RAMP1: variants seen among roughly 807,000 people sequenced by gnomAD.
The protein encoded by RAMP1 is receptor activity modifying protein 1, also known as receptor activity-modifying protein 1.
In RAMP1, 7 loss-of-function variants were observed where a neutral mutation model predicts 8.2. The observed-to-expected ratio is 0.85, with a 90% CI of 0.49 to 1.60. RAMP1 has a LOEUF of 1.60. Ranked by LOEUF, RAMP1 falls within the 40% of genes most tolerant of loss-of-function variation. RAMP1 has a pLI of 0.00. For missense variants in RAMP1, 192 were observed against 202.4 expected (o/e 0.95, Z 0.31); for synonymous variants, 92 against 84.7 (o/e 1.09, Z -0.47).
At chr2:237,901,741 A>G (rs984112387) in intron 2 of RAMP1, among the ~76,000 whole-genome samples, 12 of 152,158 alleles carry the variant, frequency 7.9e-5, no homozygotes, top group Non-Finnish European at 1.6e-4. Flanking sequence ...TGTGGCCTGG[A>G]GAGCCCGTGG....
At chr2:237,870,426 C>T (rs2062234117) in intron 1 of RAMP1, among the ~76,000 whole-genome samples, 2 of 152,210 alleles carry the variant, frequency 1.3e-5, no homozygotes, top group African/African-American at 2.4e-5. Context: ...GCTGCTCACC[C>T]GCCTTTCTGG....
At chr2:237,910,520 CAT>C (rs1274296544) in intron 2 of RAMP1, among the ~76,000 whole-genome samples, 10 of 151,728 alleles carry the variant, frequency 6.6e-5, no homozygotes, top group African/African-American at 2.4e-4. Context: ...ATTACATATA[CAT>C]AGTCACACAC....
At chr2:237,880,095 G>A (rs570167401) in intron 2 of RAMP1, among the ~76,000 whole-genome samples, 8 of 152,160 alleles carry the variant, frequency 5.3e-5, no homozygotes, top group African/African-American at 1.9e-4. Flanking sequence ...CAGCCCCTGG[G>A]GTCTGCGTTT....
intron 2 of RAMP1, among the ~76,000 whole-genome samples, chr2:237,889,493 A>C (rs1481364664): frequency 2.0e-5 from 3 of 152,200 alleles, no homozygotes; most frequent in South Asian, 4.1e-4. Context: ...ATTAGAGTCT[A>C]TTTGAAATAA....
Position 237,902,511 on chromosome 2 carries a change from C to T in RAMP1, c.192-9017C>T, listed in dbSNP as rs550953056. On this transcript the variant is annotated intron_variant, in intron 2 of 2. Transcript: ENST00000254661. ...GCGAGGAGGAAAGTGGGGTCCTGCC[C>T]CCAGGGCCCACCCCGCACCCCCACT... 2.6e-3 allele frequency among the ~76,000 whole-genome samples: 401 copies of T among 152,186 alleles called. 1 individual carries two copies. The highest frequency in any genetic ancestry group is 3.0e-3 in the Non-Finnish European group (207 of 67,964).
chr2:237,910,167 C>T lies in RAMP1; in HGVS notation c.192-1361C>T, dbSNP rs117699327. On this transcript the variant is annotated intron_variant, in intron 2 of 2. Transcript: ENST00000254661. ...ACACACACAGAATAACACAGTCACACGTGCACACACAGGTTCACACACACA... is the reference window on the plus strand; with the variant it reads ...ACACACACAGAATAACACAGTCACATGTGCACACACAGGTTCACACACACA... Among the ~76,000 whole-genome samples the T allele has an allele frequency of 5.7e-4, 87 of 152,130 alleles. 1 individual carries two copies. The East Asian group carries it at 0.016, about 28-fold the overall frequency.
intron 1 of RAMP1, among the ~76,000 whole-genome samples, chr2:237,872,174 G>C (rs1226004217): frequency 6.6e-6 from 1 of 152,182 alleles, no homozygotes; most frequent in African/African-American, 2.4e-5. Flanking sequence ...GATGGACGAT[G>C]CCAGCCCCTC....
chr2:237,906,254 A>G (rs952691435), intron 2 of RAMP1, among the ~76,000 whole-genome samples: 9 of 152,026 alleles, frequency 5.9e-5, no homozygotes, highest in African/African-American at 2.2e-4. Context: ...ACACACCCCA[A>G]TGCCTACAGG....
At chr2:237,897,890 C>T (rs1376586466) in intron 2 of RAMP1, among the ~76,000 whole-genome samples, 1 of 152,144 alleles carries the variant, frequency 6.6e-6, no homozygotes, top group East Asian at 1.9e-4. Flanking sequence ...CCTCCACCTC[C>T]CGAGTTCAAG....
rs1483214181 is a variant in RAMP1 at position 237,911,854 on chromosome 2, C to T, written c.*71C>T. 8 of 1,510,190 alleles carry T rather than the reference C, an allele frequency of 5.3e-6. No homozygotes were observed. The highest frequency in any genetic ancestry group is 7.1e-6 in the Non-Finnish European group (8 of 1,125,560). 93.5% of individuals were successfully genotyped at this position (1,510,190 alleles called of 1,614,324 possible). ...GCCAGGCAGGCCTGGGTAGGGGCAG[C>T]TTCTGGAGCCTTGGGACAGAGCAGG... On this transcript the variant is annotated 3_prime_UTR_variant, in exon 3 of 3. Coordinates refer to ENST00000254661, the MANE Select transcript of RAMP1 (RefSeq NM_005855.4).
At position 237,878,333 on chromosome 2, in the gene RAMP1, A is replaced by C. The variant is rs1476610734; in HGVS notation, c.191+971A>C. Among the ~76,000 whole-genome samples, 1 of 152,224 alleles carries C rather than the reference A, an allele frequency of 6.6e-6. No homozygotes were observed. Among genetic ancestry groups the C allele is most frequent in the African/African-American group, 2.4e-5 (1 of 41,456 alleles). On this transcript the variant is annotated intron_variant, in intron 2 of 2. Coordinates refer to ENST00000254661, the MANE Select transcript of RAMP1 (RefSeq NM_005855.4). The surrounding 1 kb of genome is among the most constrained non-coding windows in gnomAD (Gnocchi z 5.7). ...GGCCTCGGGAGGGTCTTCACGGAGG[A>C]AAGGTTGCACCAAGGTCACACACGA...
chr2:237,907,232 TC>T (rs2062662243), intron 2 of RAMP1, among the ~76,000 whole-genome samples: 2 of 152,218 alleles, frequency 1.3e-5, no homozygotes, highest in Admixed American at 1.3e-4. Context: ...TTTTCCTTTT[TC>T]TTTGGTGCTC....
intron 2 of RAMP1, among the ~76,000 whole-genome samples, chr2:237,901,350 C>T: frequency 6.6e-6 from 1 of 152,232 alleles, no homozygotes; most frequent in Admixed American, 6.5e-5. Context: ...GGTGAATAAT[C>T]ACATGAGTTC....
intron 2 of RAMP1, among the ~76,000 whole-genome samples, chr2:237,903,296 A>G (rs960011007): frequency 5.3e-5 from 8 of 152,370 alleles, no homozygotes; most frequent in African/African-American, 1.9e-4. Context: ...ATAATTATAA[A>G]TCTGCAGTGG....
intron 2 of RAMP1, among the ~76,000 whole-genome samples, chr2:237,910,080 C>T (rs534412231): frequency 9.9e-5 from 15 of 152,236 alleles, no homozygotes; most frequent in African/African-American, 3.4e-4. Context: ...CACCTGCAGC[C>T]GTGGCAGGAT....
intron 1 of RAMP1, among the ~76,000 whole-genome samples, chr2:237,866,757 C>T (rs915721312): frequency 6.7e-6 from 1 of 149,544 alleles, no homozygotes; most frequent in Non-Finnish European, 1.5e-5. Flanking sequence ...GAGACTGAGT[C>T]TCCCTCTTTT....
intron 2 of RAMP1, among the ~76,000 whole-genome samples, chr2:237,902,695 C>T (rs2151021612): frequency 6.6e-6 from 1 of 152,336 alleles, no homozygotes; most frequent in East Asian, 1.9e-4. Flanking sequence ...CAGAGGGTCC[C>T]AGCCCTGCCT....
At chr2:237,888,944 TG>T (rs1380009441) in intron 2 of RAMP1, among the ~76,000 whole-genome samples, 2 of 152,054 alleles carry the variant, frequency 1.3e-5, no homozygotes, top group African/African-American at 4.8e-5. Context: ...GCTAATTTTT[TG>T]TATTTTTAAT....
chr2:237,896,887 GATCCT>G (rs1185267224), intron 2 of RAMP1, among the ~76,000 whole-genome samples: 1 of 152,166 alleles, frequency 6.6e-6, no homozygotes, highest in Non-Finnish European at 1.5e-5. Context: ...GGGCTCAAGC[GATCCT>G]CCTGTTTTGG....
Sources: allele counts gnomAD v4.1 joint callset (sites outside exome capture counted in the v4.1 genomes callset), GRCh38; gene constraint gnomAD v4.1.1; non-coding constraint Gnocchi (gnomAD v3.1); transcripts MANE v1.5; gene names NCBI Gene and HGNC (gene_info 2026-07-23, HGNC 2026-07-21).